FANCI: variants seen among roughly 807,000 people sequenced by gnomAD.
FANCI encodes the protein FA complementation group I.
A neutral mutation model predicts 176.1 loss-of-function variants in FANCI; 156 were observed. The ratio of observed to expected loss-of-function variants is 0.89; its 90% CI spans 0.78 to 1.01. The LOEUF (loss-of-function observed/expected upper bound fraction) is 1.01. Among genes scored for constraint, FANCI ranks in the 50% least tolerant of loss-of-function variants. The pLI is 0.00. For synonymous variants in FANCI, 613 were observed against 541.7 expected (o/e 1.13, Z -1.83); for missense variants, 1,678 against 1,534.1 (o/e 1.09, Z -1.57).
intron 7 of FANCI, 150 bp from the exon 8 acceptor site, chr15:89,263,753 T>C (rs1008421556): frequency 4.1e-5 from 39 of 960,384 alleles, no homozygotes; most frequent in Non-Finnish European, 7.8e-6. Context: ...ACAGTTATAA[T>C]AATCTATTAT....
At chr15:89,262,193 C>T (rs1434012003) in intron 6 of FANCI, among the ~76,000 whole-genome samples, 2 of 151,874 alleles carry the variant, frequency 1.3e-5, no homozygotes, top group African/African-American at 4.8e-5. Context: ...ATTGGAGTCT[C>T]AAGGTCGTGA....
intron 18 of FANCI, among the ~76,000 whole-genome samples, chr15:89,289,122 C>T (rs1182719448): frequency 2.0e-5 from 3 of 151,892 alleles, no homozygotes; most frequent in East Asian, 3.9e-4. Context: ...TTTGTTCAGA[C>T]ATCATTGCCT....
Position 89,314,971 on chromosome 15 carries a change from G to GT in FANCI, c.3816+270dup, listed in dbSNP as rs2055161489. On this transcript the variant is annotated intron_variant, in intron 36 of 37. Coordinates refer to ENST00000310775, the MANE Select transcript of FANCI (RefSeq NM_001113378.2). ...AGTCATATGCCATCATACCCCACTA[G>GT]TTTTTTGGGTTTGTTTTTGTAGAGA... is the stretch of plus-strand genomic sequence containing the variant. 2.0e-5 allele frequency among the ~76,000 whole-genome samples: 3 copies of GT among 151,308 alleles called. No homozygotes were observed. In the Admixed American group the frequency reaches 2.0e-4, roughly 10 times the overall value.
Position 89,315,340 on chromosome 15 carries a change from A to T in FANCI, c.3875A>T (p.Asn1292Ile). 6.2e-7 allele frequency: 1 copy of T among 1,614,066 alleles called. No homozygotes were observed. Reference sequence around the variant, plus strand: ...TCACGAGACTTCAAGATCAAAGGAAACATCCTAGACATGGTTCTTCGAGAG... The same window carrying T: ...TCACGAGACTTCAAGATCAAAGGAATCATCCTAGACATGGTTCTTCGAGAG... ...STSRDFKIKG[N>I]ILDMVLREDG... is the part of the protein sequence containing the mutation. Residue 1292 changes from asparagine (N) to isoleucine (I), a missense_variant, in exon 37 of 38, where the codon AAC (asparagine) becomes ATC (isoleucine). This residue lies in a region of FANCI where 1,204 missense variants were observed against 1,077.4 expected (regional missense o/e 1.12). Coordinates refer to ENST00000310775, the MANE Select transcript of FANCI (RefSeq NM_001113378.2).
intron 1 of FANCI, chr15:89,245,167 C>CTTTTTTTTTTTTTTTTTT (rs1567132810): frequency 1.6e-5 from 2 of 121,278 alleles, no homozygotes; most frequent in African/African-American, 7.2e-5. Context: ...CTTTTCTTTT[C>CTTTTTTTTTTTTTTTTTT]TTTTCTTTTC....
chr15:89,314,849 C>CTCTTT (rs2055153802), intron 36 of FANCI, 142 bp downstream of exon 36: 1 of 362,080 alleles, frequency 2.8e-6, no homozygotes, highest in Non-Finnish European at 4.8e-6. Context: ...CCCCCCCCCC[C>CTCTTT]TTTTTTTTTT....
chr15:89,250,257 C>T (rs1054177809), intron 2 of FANCI, among the ~76,000 whole-genome samples: 12 of 151,990 alleles, frequency 7.9e-5, no homozygotes, highest in African/African-American at 2.2e-4. Context: ...ATGTTTATTG[C>T]GGCACTATTC....
At chr15:89,315,666 A>T (rs1057427808) in intron 37 of FANCI, among the ~76,000 whole-genome samples, 1 of 149,710 alleles carries the variant, frequency 6.7e-6, no homozygotes, top group Admixed American at 6.6e-5. Context: ...AATCTTTTAA[A>T]CTACTGGATG....
chr15:89,264,041 TTG>T lies in FANCI; in HGVS notation c.669+17_669+18del, dbSNP rs751881445. ...TCTCCTCCAAGGTACAAATGGAAAA[TTG>T]TTTCTCCTTAGTTCTGGTGGTATGA... On this transcript the variant is annotated intron_variant, in intron 8 of 37. Transcript: ENST00000310775. 1.2e-4 allele frequency: 192 copies of T among 1,613,954 alleles called. No homozygotes were observed. In the East Asian group the frequency reaches 3.9e-3, roughly 33 times the overall value.
At chr15:89,255,247 A>G (rs2052442569) in intron 2 of FANCI, among the ~76,000 whole-genome samples, 1 of 152,168 alleles carries the variant, frequency 6.6e-6, no homozygotes. Flanking sequence ...AATGTCTTGT[A>G]TCCCTGGCAT....
intron 12 of FANCI, among the ~76,000 whole-genome samples, chr15:89,275,060 C>G (rs945867946): frequency 6.6e-6 from 1 of 150,748 alleles, no homozygotes; most frequent in African/African-American, 2.4e-5. Flanking sequence ...GCATGTAGCC[C>G]TGTGCCTGGC....
intron 12 of FANCI, among the ~76,000 whole-genome samples, chr15:89,274,880 C>T (rs1196560400): frequency 6.6e-6 from 1 of 151,880 alleles, no homozygotes; most frequent in African/African-American, 2.4e-5. Flanking sequence ...GCTGGGATTA[C>T]AGGCTTGAGC....
At chr15:89,298,788 A>G (rs539845015) in intron 24 of FANCI, among the ~76,000 whole-genome samples, 25 of 152,364 alleles carry the variant, frequency 1.6e-4, no homozygotes. Context: ...TACAGATGCT[A>G]AAAAATAGAT....
At chr15:89,285,042 T>A in intron 17 of FANCI, 54 bp from the exon 18 acceptor site, 2 of 1,612,638 alleles carry the variant, frequency 1.2e-6, no homozygotes, top group South Asian at 2.2e-5. Context: ...ATTTAGCTCC[T>A]TATTGGAAAC....
At chr15:89,278,950 G>A (rs1330434574) in intron 14 of FANCI, among the ~76,000 whole-genome samples, 176 bp downstream of exon 14, 1 of 152,192 alleles carries the variant, frequency 6.6e-6, no homozygotes, top group East Asian at 1.9e-4. Flanking sequence ...CAAAAAGGCT[G>A]TAGCTGTTAG....
At chr15:89,278,647 G>A in intron 13 of FANCI, 40 bp from the exon 14 acceptor site, 2 of 1,509,294 alleles carry the variant, frequency 1.3e-6, no homozygotes, top group East Asian at 2.3e-5. Context: ...AAAAGCTGAA[G>A]GGTCACCCAG....
rs893680180 is a variant in FANCI at position 89,295,994 on chromosome 15, G to T, written c.2636+900G>T. ...ATTTACTACTTTTTTTGGAGACAGG[G>T]TCTTGCTCTGTCACCCAGGCTAGAG... On this transcript the variant is annotated intron_variant, in intron 24 of 37. Coordinates refer to ENST00000310775, the MANE Select transcript of FANCI (RefSeq NM_001113378.2). 4.6e-5 allele frequency among the ~76,000 whole-genome samples: 7 copies of T among 151,862 alleles called. No individual in the cohort carries two copies. In the East Asian group the frequency reaches 1.4e-3, roughly 29 times the overall value.
At position 89,281,233 on chromosome 15, in the gene FANCI, C is replaced by T. The variant is rs938353094; in HGVS notation, c.1445C>T (p.Thr482Ile). ...LVLQSCSSKV[T>I]EAFDYLSFLP... is the part of the protein sequence containing the mutation. ...CTTCAAAGTTGTTCTTCTAAAGTCA[C>T]AGAAGCTTTTGACTATTTGTCCTTT... The change falls in exon 15 of 38, where the codon ACA becomes ATA. Residue 482 changes from threonine to isoleucine, a missense_variant. Thr to Ile is a moderately conservative substitution (Grantham distance 89, BLOSUM62 -1). This residue lies in a region of FANCI where 1,204 missense variants were observed against 1,077.4 expected (regional missense o/e 1.12). Transcript: ENST00000310775. 1 of 1,613,716 alleles carries T rather than the reference C, an allele frequency of 6.2e-7. No homozygotes were observed. The highest frequency in any genetic ancestry group is 2.2e-5 in the East Asian group (1 of 44,826).
intron 23 of FANCI, 122 bp from the exon 24 acceptor site, chr15:89,294,793 A>G: frequency 1.0e-6 from 1 of 986,052 alleles, no homozygotes; most frequent in Non-Finnish European, 1.5e-6. Context: ...TGCCAGTCGG[A>G]ACTTACTGGC....
Sources: gnomAD v4.1 joint callset for allele counts (sites outside exome capture counted in the v4.1 genomes callset) on GRCh38, gnomAD v4.1.1 for gene constraint, gnomAD v4.1.1 regional missense constraint, MANE v1.5 for transcripts, NCBI Gene and HGNC (gene_info 2026-07-23, HGNC 2026-07-21) for gene names.